CNTNAP2: variants seen among roughly 807,000 people sequenced by gnomAD.
The protein encoded by CNTNAP2 is contactin-associated protein-like 2.
Under a neutral mutation model 155.2 loss-of-function variants are expected in CNTNAP2, and 98 were observed. The ratio of observed to expected loss-of-function variants is 0.63; its 90% CI spans 0.54 to 0.75. The LOEUF (loss-of-function observed/expected upper bound fraction) is 0.75, where lower values mean the gene tolerates loss of function less well. CNTNAP2 is among the 30% of genes least tolerant of loss of function. CNTNAP2 has a pLI of 0.00. For synonymous variants in CNTNAP2, 651 were observed against 631.2 expected, an observed-to-expected ratio of 1.03 and a Z score of -0.47; for missense variants, 1,727 against 1,688.1, an observed-to-expected ratio of 1.02 and a Z score of -0.40.
intron 1 of CNTNAP2, among the ~76,000 whole-genome samples, chr7:146,161,052 A>G (rs1798214015): frequency 6.6e-6 from 1 of 152,188 alleles, no homozygotes; most frequent in Non-Finnish European, 1.5e-5. Context: ...TTCAACATAC[A>G]CAAATCAATA....
intron 13 of CNTNAP2, among the ~76,000 whole-genome samples, chr7:147,877,154 G>A (rs10254338): frequency 6.6e-6 from 1 of 152,090 alleles, no homozygotes; most frequent in East Asian, 1.9e-4. Context: ...GTGTTGTTTG[G>A]CCATGATCAT....
At chr7:147,644,250 T>C (rs554170757) in intron 13 of CNTNAP2, among the ~76,000 whole-genome samples, 1 of 152,318 alleles carries the variant, frequency 6.6e-6, no homozygotes, top group East Asian at 1.9e-4. Flanking sequence ...CCCGGATTTG[T>C]AAATGTAATA....
intron 1 of CNTNAP2, among the ~76,000 whole-genome samples, chr7:146,555,492 GTCTGTCTA>G (rs75693153): frequency 0.18 from 15,566 of 84,338 alleles, 822 homozygotes; most frequent in African/African-American, 0.26. Flanking sequence ...TGTATCATCT[GTCTGTCTA>G]TCTATCTATC....
At chr7:147,716,421 G>A (rs901525561) in intron 13 of CNTNAP2, among the ~76,000 whole-genome samples, 1 of 152,012 alleles carries the variant, frequency 6.6e-6, no homozygotes, top group African/African-American at 2.4e-5. Context: ...GATCTACATA[G>A]GGCACAAAAA....
chr7:148,231,263 C>T (rs1214024709), intron 20 of CNTNAP2, among the ~76,000 whole-genome samples: 2 of 152,056 alleles, frequency 1.3e-5, no homozygotes, highest in South Asian at 2.1e-4. Flanking sequence ...TTTGGAGGCA[C>T]AGAAAGCCAG....
At chr7:146,593,910 G>A (rs545593622) in intron 1 of CNTNAP2, among the ~76,000 whole-genome samples, 18 of 152,122 alleles carry the variant, frequency 1.2e-4, no homozygotes, top group Non-Finnish European at 2.2e-4. Context: ...GACTCTTGCA[G>A]AGTTAGTTTA....
In CNTNAP2 at chr7:147,391,804, A is replaced by G. The variant is rs571722017; in HGVS notation, c.1499-3805A>G. On this transcript the variant is annotated intron_variant, in intron 9 of 23. Coordinates refer to ENST00000361727, the MANE Select transcript of CNTNAP2 (RefSeq NM_014141.6). ...ATAGTCACGCTTCCTTGTCATCCTT[A>G]GATCATGTTTTCCTGGAATTTGATC... Among the ~76,000 whole-genome samples, 5 of 152,100 alleles carry G rather than the reference A, an allele frequency of 3.3e-5. No individual in the cohort carries two copies. In the South Asian group the frequency reaches 1.0e-3, roughly 32 times the overall value.
chr7:148,353,317 G>A (rs575206072), intron 21 of CNTNAP2, among the ~76,000 whole-genome samples: 18 of 152,268 alleles, frequency 1.2e-4, no homozygotes, highest in African/African-American at 3.4e-4. Flanking sequence ...CTTCCACATC[G>A]GCATGGGTTC....
intron 13 of CNTNAP2, among the ~76,000 whole-genome samples, chr7:147,890,969 G>A (rs7782592): frequency 0.039 from 5,897 of 152,174 alleles, 249 homozygotes; most frequent in East Asian, 0.16. Context: ...GAGGTAATGC[G>A]TATGTTCATT....
chr7:148,113,446 A>G (rs948041654), intron 15 of CNTNAP2, among the ~76,000 whole-genome samples: 34 of 152,146 alleles, frequency 2.2e-4, no homozygotes, highest in African/African-American at 8.2e-4. Context: ...ATCACCTCCC[A>G]CCAGGCCCCA....
In CNTNAP2 at chr7:147,593,816, G is replaced by A. The variant is rs117361015; in HGVS notation, c.1897+31559G>A. Among the ~76,000 whole-genome samples, 1,055 of 152,236 alleles carry A rather than the reference G, an allele frequency of 6.9e-3. 4 individuals carry two copies. Among genetic ancestry groups the A allele is most frequent in the Middle Eastern group, 0.024 (7 of 294 alleles). On this transcript the variant is annotated intron_variant, in intron 12 of 23. Coordinates refer to ENST00000361727, the MANE Select transcript of CNTNAP2 (RefSeq NM_014141.6). ...GTGTGTCCAGCTTCAATATCTCTCTGTTTCTTAGACATTTTAAAGACTGTT... is the reference window on the plus strand; with the variant it reads ...GTGTGTCCAGCTTCAATATCTCTCTATTTCTTAGACATTTTAAAGACTGTT...
At chr7:146,684,638 G>A (rs1178903598) in intron 1 of CNTNAP2, among the ~76,000 whole-genome samples, 3 of 4,390 alleles carry the variant, frequency 6.8e-4, no homozygotes, top group African/African-American at 1.2e-3. Context: ...TAGATCCAGC[G>A]CAAAAAAAAA....
intron 14 of CNTNAP2, among the ~76,000 whole-genome samples, chr7:147,959,442 C>T (rs1227103065): frequency 6.6e-6 from 1 of 152,064 alleles, no homozygotes; most frequent in Non-Finnish European, 1.5e-5. Context: ...TTGGCTTCTC[C>T]CAGGAAAGAA....
At chr7:146,974,471 A>G (rs56916375) in intron 3 of CNTNAP2, among the ~76,000 whole-genome samples, 2,021 of 152,170 alleles carry the variant, frequency 0.013, 39 homozygotes, top group African/African-American at 0.047. Context: ...AATAAAAAAT[A>G]AAGTCAGTTA....
intron 1 of CNTNAP2, among the ~76,000 whole-genome samples, chr7:146,444,997 C>T (rs1434277271): frequency 1.3e-5 from 2 of 151,646 alleles, no homozygotes; most frequent in African/African-American, 2.4e-5. Flanking sequence ...TAAGTGTGTT[C>T]ACCTAAGTGG....
intron 2 of CNTNAP2, 33 bp from the exon 3 acceptor site, chr7:146,839,678 T>C: frequency 6.2e-7 from 1 of 1,611,446 alleles, no homozygotes; most frequent in Non-Finnish European, 8.5e-7. Flanking sequence ...ATTTAAATAT[T>C]CATTTTCCCA....
intron 1 of CNTNAP2, among the ~76,000 whole-genome samples, chr7:146,118,175 C>T (rs1483613441): frequency 2.0e-5 from 3 of 151,914 alleles, no homozygotes; most frequent in Non-Finnish European, 4.4e-5. Flanking sequence ...ATATAATATC[C>T]GGTTATGAGC....
chr7:147,477,281 T>G (rs13245441), intron 10 of CNTNAP2, among the ~76,000 whole-genome samples: 30,954 of 152,138 alleles, frequency 0.2, 3,425 homozygotes, highest in East Asian at 0.36. Flanking sequence ...TGAAACTTCC[T>G]TGTTATATAA....
chr7:147,409,225 A>C (rs1191849677), intron 10 of CNTNAP2, among the ~76,000 whole-genome samples: 2 of 152,192 alleles, frequency 1.3e-5, no homozygotes, highest in Non-Finnish European at 1.5e-5. Context: ...AAATAGAGGC[A>C]GAATTGAGAT....
Sources: allele counts gnomAD v4.1 joint callset (sites outside exome capture counted in the v4.1 genomes callset), GRCh38; gene constraint gnomAD v4.1.1; transcripts MANE v1.5; gene names NCBI Gene and HGNC (gene_info 2026-07-23, HGNC 2026-07-21).